Variants in KALRN observed in about 807,000 individuals in gnomAD.
KALRN encodes kalirin.
A neutral mutation model predicts 353.7 loss-of-function variants in KALRN; 70 were observed. That is an observed-to-expected ratio of 0.20 (90% CI 0.16 to 0.24). The LOEUF (loss-of-function observed/expected upper bound fraction) is 0.24, where lower values mean the gene tolerates loss of function less well. Ranked by LOEUF, KALRN falls within the 10% of genes least tolerant of loss-of-function variation. KALRN has a pLI of 1.00. For missense variants in KALRN, 2,791 were observed against 3,756.7 expected (o/e 0.74, Z 6.72); for synonymous variants, 1,391 against 1,434.8 (o/e 0.97, Z 0.69).
At chr3:124,414,855 C>G (rs901960382) in intron 14 of KALRN, among the ~76,000 whole-genome samples, 1 of 152,184 alleles carries the variant, frequency 6.6e-6, no homozygotes, top group Admixed American at 6.5e-5. Context: ...CGCAGTTGGG[C>G]CATGTCCCTG....
At chr3:124,245,807 G>T (rs2081061199) in intron 3 of KALRN, among the ~76,000 whole-genome samples, 5 of 151,868 alleles carry the variant, frequency 3.3e-5, no homozygotes, top group Admixed American at 2.6e-4. Flanking sequence ...TGGCCATTTT[G>T]TATATCTTCT....
At chr3:124,648,027 A>T (rs1459456564) in intron 37 of KALRN, among the ~76,000 whole-genome samples, 1 of 152,200 alleles carries the variant, frequency 6.6e-6, no homozygotes, top group Non-Finnish European at 1.5e-5. Flanking sequence ...CCTGAGCTCC[A>T]GGTGGGGCAT....
chr3:124,152,784 T>G, intron 1 of KALRN: 3 of 315,756 alleles, frequency 9.5e-6, no homozygotes, highest in Non-Finnish European at 1.7e-5. Context: ...TGTTTGTTTG[T>G]TTGTTTGTTT....
At chr3:124,495,139 A>G (rs1027867978) in intron 32 of KALRN, among the ~76,000 whole-genome samples, 1 of 152,170 alleles carries the variant, frequency 6.6e-6, no homozygotes, top group African/African-American at 2.4e-5. Flanking sequence ...GAAGGGGTCT[A>G]AATGCCAGGA....
chr3:124,040,011 T>A (rs1001256809), intron 1 of KALRN, among the ~76,000 whole-genome samples: 1 of 152,196 alleles, frequency 6.6e-6, no homozygotes, highest in East Asian at 1.9e-4. Flanking sequence ...ACTATTAATA[T>A]ATTTTAGTAC....
chr3:124,668,187 C>T (rs2085916500), intron 47 of KALRN, among the ~76,000 whole-genome samples: 1 of 152,128 alleles, frequency 6.6e-6, no homozygotes, highest in African/African-American at 2.4e-5. Flanking sequence ...CAGGTACATG[C>T]ATGTACACAC....
intron 33 of KALRN, among the ~76,000 whole-genome samples, chr3:124,496,713 C>G (rs973253150): frequency 6.6e-6 from 1 of 152,146 alleles, no homozygotes. Flanking sequence ...CTGAGATGCC[C>G]CACCTGGGCT....
intron 34 of KALRN, among the ~76,000 whole-genome samples, chr3:124,570,089 C>T: frequency 6.6e-6 from 1 of 152,026 alleles, no homozygotes; most frequent in East Asian, 1.9e-4. Flanking sequence ...CCTCTGCCTA[C>T]CAGGAGAGTC....
chr3:124,275,249 G>T (rs886217600), intron 5 of KALRN, among the ~76,000 whole-genome samples: 3 of 152,144 alleles, frequency 2.0e-5, no homozygotes, highest in African/African-American at 7.2e-5. Context: ...CTGCAGAGTG[G>T]TTTAATAAAG....
chr3:124,678,604 A>G, intron 50 of KALRN: 1 of 224,476 alleles, frequency 4.5e-6, no homozygotes, highest in Non-Finnish European at 9.0e-6. Context: ...TAAAAATGTG[A>G]GATGCTTGAT....
chr3:124,410,400 A>G, intron 13 of KALRN: 1 of 388,236 alleles, frequency 2.6e-6, no homozygotes, highest in Admixed American at 3.5e-5. Context: ...AGGCCAGAAA[A>G]TGGAGTAAAA....
At chr3:124,258,116 T>C (rs891954796) in intron 3 of KALRN, among the ~76,000 whole-genome samples, 1 of 151,936 alleles carries the variant, frequency 6.6e-6, no homozygotes, top group Non-Finnish European at 1.5e-5. Flanking sequence ...GCTGCGGGAG[T>C]TGGTTGGCCA....
chr3:124,624,367 T>C (rs1470308376), intron 34 of KALRN, among the ~76,000 whole-genome samples: 1 of 152,242 alleles, frequency 6.6e-6, no homozygotes. Context: ...TGTTAATCTC[T>C]TAAGGCCTAA....
chr3:124,246,539 C>A (rs950020105), intron 3 of KALRN, among the ~76,000 whole-genome samples: 2 of 150,752 alleles, frequency 1.3e-5, no homozygotes, highest in Non-Finnish European at 2.9e-5. Flanking sequence ...GTAGTCAGTT[C>A]TGGCATGGCT....
chr3:124,570,551 G>A (rs1169844321), intron 34 of KALRN, among the ~76,000 whole-genome samples: 1 of 152,060 alleles, frequency 6.6e-6, no homozygotes, highest in Non-Finnish European at 1.5e-5. Context: ...GAAAAGGTGT[G>A]GTATGGTGTT....
intron 6 of KALRN, among the ~76,000 whole-genome samples, chr3:124,304,932 A>C (rs1373140348): frequency 6.6e-6 from 1 of 152,170 alleles, no homozygotes; most frequent in Non-Finnish European, 1.5e-5. Flanking sequence ...CCTTCTACCC[A>C]GCCCTCATTC....
chr3:124,086,788 A>G (rs2060849594), intron 1 of KALRN, among the ~76,000 whole-genome samples: 1 of 152,186 alleles, frequency 6.6e-6, no homozygotes, highest in African/African-American at 2.4e-5. Context: ...CACTTTTCCC[A>G]TAGGTAACCA....
At chr3:124,486,744 G>A (rs907219356) in intron 28 of KALRN, among the ~76,000 whole-genome samples, 28 of 152,276 alleles carry the variant, frequency 1.8e-4, no homozygotes, top group Middle Eastern at 3.4e-3. Context: ...GATGTGCTGC[G>A]GCCAGGTTGA....
intron 15 of KALRN, among the ~76,000 whole-genome samples, chr3:124,424,865 A>G (rs2092945864): frequency 6.6e-6 from 1 of 152,144 alleles, no homozygotes; most frequent in East Asian, 1.9e-4. Context: ...TGAGGAAACT[A>G]AGGTACCATG....
Sources: gnomAD v4.1 joint callset for allele counts (sites outside exome capture counted in the v4.1 genomes callset) on GRCh38, gnomAD v4.1.1 for gene constraint, MANE v1.5 for transcripts, NCBI Gene and HGNC (gene_info 2026-07-23, HGNC 2026-07-21) for gene names.